The following ANGPTL2 variants were observed in gnomAD, a reference collection of about 807,000 sequenced individuals.
The protein encoded by ANGPTL2 is angiopoietin-related protein 2.
Under a neutral mutation model 52.8 loss-of-function variants are expected in ANGPTL2, and 25 were observed. The ratio of observed to expected loss-of-function variants is 0.47; its 90% confidence interval spans 0.35 to 0.66. The LOEUF is 0.66. Ranked by LOEUF, ANGPTL2 falls within the 30% of genes least tolerant of loss-of-function variation. ANGPTL2 has a pLI of 0.01. For synonymous variants in ANGPTL2, 276 were observed against 277.4 expected, an observed-to-expected ratio of 1.00 and a Z score of 0.05; for missense variants, 546 against 656.9, an observed-to-expected ratio of 0.83 and a Z score of 1.84.
At chr9:127,095,185 T>C (rs1370348406) in intron 2 of ANGPTL2, among the ~76,000 whole-genome samples, 2 of 152,174 alleles carry the variant, frequency 1.3e-5, no homozygotes, top group Non-Finnish European at 2.9e-5. Flanking sequence ...GATCACAAAG[T>C]CAGGAGATCG....
chr9:127,093,141 C>T (rs959299787), intron 3 of ANGPTL2, among the ~76,000 whole-genome samples: 1 of 152,136 alleles, frequency 6.6e-6, no homozygotes, highest in African/African-American at 2.4e-5. Context: ...TCTTGCCTTC[C>T]TTAGTACTAC....
intron 4 of ANGPTL2, among the ~76,000 whole-genome samples, chr9:127,089,910 GCCTGGCAAGGGGAC>G (rs1564555767): frequency 1.3e-5 from 2 of 152,194 alleles, no homozygotes; most frequent in South Asian, 4.1e-4. Context: ...TCCTGACTGG[GCCTGGCAAGGGGAC>G]CCCGTACTCA....
In ANGPTL2 at chr9:127,108,186, C is replaced by T. The variant is rs1315787864; in HGVS notation, c.546G>A (p.Lys182=). The change falls in exon 2 of 5, where the codon AAG becomes AAA. Residue 182 remains lysine (K), a synonymous_variant. Transcript: ENST00000373425. ...GGGCCAGTGTGGCCAGGTGCTGGTA[C>T]TTGTGCTCCAGGTCCTTGTACTTGC... is the stretch of plus-strand genomic sequence containing the variant. ...LASKYKDLEH[K]YQHLATLAHN... The T allele has an allele frequency of 1.9e-6, 3 of 1,614,108 alleles. No individual in the cohort carries two copies. The highest frequency in any genetic ancestry group is 2.5e-6 in the Non-Finnish European group (3 of 1,180,014).
chr9:127,103,710 C>G (rs2053951884), intron 2 of ANGPTL2, among the ~76,000 whole-genome samples: 1 of 152,126 alleles, frequency 6.6e-6, no homozygotes, highest in African/African-American at 2.4e-5. Flanking sequence ...GTTCTAATAA[C>G]AAATCTACCA....
At position 127,108,674 on chromosome 9, in the gene ANGPTL2, C is replaced by T. The variant is rs1173203283; in HGVS notation, c.58G>A (p.Val20Ile). 5.6e-6 allele frequency: 9 copies of T among 1,613,640 alleles called. No homozygotes were observed. Among genetic ancestry groups the T allele is most frequent in the Non-Finnish European group, 7.6e-6 (9 of 1,179,924 alleles). ...TCAAAACCGTCCTCCTGGCCTGCAACAGCTCCCATGGCAGCCAGCAGTCCG... is the reference window on the plus strand; with the variant it reads ...TCAAAACCGTCCTCCTGGCCTGCAATAGCTCCCATGGCAGCCAGCAGTCCG... ...WLGLLAAMGA[V>I]AGQEDGFEGT... is the part of the protein sequence containing the mutation. Residue 20 changes from valine (V) to isoleucine (I), a missense_variant, in exon 2 of 5, where the codon GTT becomes ATT. Val to Ile is a conservative substitution (Grantham distance 29). Around this residue, in one of 2 missense-constraint regions of ANGPTL2, gnomAD observed 285 missense variants for 295.8 expected, o/e 0.96. Coordinates refer to ENST00000373425, the MANE Select transcript of ANGPTL2 (RefSeq NM_012098.3).
chr9:127,100,434 C>A (rs182225071), intron 2 of ANGPTL2, among the ~76,000 whole-genome samples: 1 of 152,178 alleles, frequency 6.6e-6, no homozygotes, highest in Non-Finnish European at 1.5e-5. Flanking sequence ...CAAAGCATTG[C>A]GTCGCTCTTA....
Position 127,108,350 on chromosome 9 carries a change from G to A in ANGPTL2, c.382C>T (p.Arg128Cys), listed in dbSNP as rs1314178417. 2.5e-6 allele frequency: 4 copies of A among 1,612,050 alleles called. No individual in the cohort carries two copies. Among genetic ancestry groups the A allele is most frequent in the Middle Eastern group, 1.6e-4 (1 of 6,080 alleles). ...SEVKLLRKES[R>C]NMNSRVTQLY... is the part of the protein sequence containing the mutation. ...TGCGTGACCCGCGAGTTCATGTTGCGGCTCTCCTTGCGCAGCAGCTTCACC... is the reference window on the plus strand; with the variant it reads ...TGCGTGACCCGCGAGTTCATGTTGCAGCTCTCCTTGCGCAGCAGCTTCACC... Residue 128 changes from arginine (R) to cysteine (C), a missense_variant, in exon 2 of 5, where the codon CGC (arginine) becomes TGC (cysteine). By Grantham distance (180) the Arg-to-Cys change is radical (BLOSUM62 -3). Around this residue, in one of 2 missense-constraint regions of ANGPTL2, gnomAD observed 285 missense variants for 295.8 expected, o/e 0.96. Coordinates refer to ENST00000373425, the MANE Select transcript of ANGPTL2 (RefSeq NM_012098.3).
chr9:127,100,787 G>A (rs553085171), intron 2 of ANGPTL2, among the ~76,000 whole-genome samples: 4 of 152,348 alleles, frequency 2.6e-5, no homozygotes, highest in African/African-American at 9.6e-5. Flanking sequence ...TAGTTGGCGA[G>A]TGTATTAACC....
intron 2 of ANGPTL2, among the ~76,000 whole-genome samples, chr9:127,103,848 C>T (rs952847590): frequency 5.9e-5 from 9 of 152,172 alleles, no homozygotes; most frequent in Non-Finnish European, 1.2e-4. Context: ...CAGACATTCA[C>T]GGGGTGATTT....
chr9:127,100,723 G>T (rs116021665), intron 2 of ANGPTL2, among the ~76,000 whole-genome samples: 1 of 152,300 alleles, frequency 6.6e-6, no homozygotes, highest in African/African-American at 2.4e-5. Flanking sequence ...CATCATGGAA[G>T]AACTTATCAG....
In ANGPTL2 at chr9:127,087,964, C is replaced by T. The variant is rs2051971201; in HGVS notation, c.*975G>A. 6.6e-6 allele frequency: 1 copy of T among 152,556 alleles called. No individual in the cohort carries two copies. The highest frequency in any genetic ancestry group is 2.4e-5 in the African/African-American group (1 of 41,416). The allele number at this position is 152,556 out of a possible 1,614,324, so 9.5% of individuals were successfully genotyped here. A position where few individuals can be genotyped will look rare whatever the true frequency, so the allele number is the denominator to read the frequency against. ...AACTGCGAGTACATTATCTATACGGCCGGTGGAGCTTTTGGCCTGGCCTTC... is the reference window on the plus strand; with the variant it reads ...AACTGCGAGTACATTATCTATACGGTCGGTGGAGCTTTTGGCCTGGCCTTC... On this transcript the variant is annotated 3_prime_UTR_variant, in exon 5 of 5. Coordinates refer to ENST00000373425, the MANE Select transcript of ANGPTL2 (RefSeq NM_012098.3).
intron 2 of ANGPTL2, among the ~76,000 whole-genome samples, chr9:127,102,756 C>T (rs2053861211): frequency 2.6e-5 from 4 of 152,164 alleles, no homozygotes; most frequent in Admixed American, 6.5e-5. Flanking sequence ...GGTGGGCCAT[C>T]TTCCTAGAGT....
intron 2 of ANGPTL2, among the ~76,000 whole-genome samples, chr9:127,097,274 T>A (rs11790344): frequency 0.036 from 5,467 of 152,352 alleles, 138 homozygotes; most frequent in Middle Eastern, 0.085. Flanking sequence ...TTTCTTTTTT[T>A]AAAAAAGGCA....
At chr9:127,090,603 A>G (rs2052350704) in intron 4 of ANGPTL2, among the ~76,000 whole-genome samples, 1 of 152,228 alleles carries the variant, frequency 6.6e-6, no homozygotes, top group African/African-American at 2.4e-5. Flanking sequence ...CTTAGTATGT[A>G]GGTTCCAGGG....
chr9:127,120,521 A>T (rs183497856), intron 1 of ANGPTL2, among the ~76,000 whole-genome samples: 40 of 152,340 alleles, frequency 2.6e-4, no homozygotes, highest in Admixed American at 9.8e-4. Flanking sequence ...TGTCCAGAAC[A>T]GGGAAAGAAT....
Position 127,115,220 on chromosome 9 carries a change from G to A in ANGPTL2, c.-49-6440C>T, listed in dbSNP as rs185206077. On this transcript the variant is annotated intron_variant, in intron 1 of 4. Coordinates refer to ENST00000373425, the MANE Select transcript of ANGPTL2 (RefSeq NM_012098.3). Reference sequence around the variant, plus strand: ...TATTATTATTTTGAGATGGAGTTTCGCTCTTGTCACCCAGGCTGGAGTGCA... The same window carrying A: ...TATTATTATTTTGAGATGGAGTTTCACTCTTGTCACCCAGGCTGGAGTGCA... Among the ~76,000 whole-genome samples, 6 of 151,886 alleles carry A rather than the reference G, an allele frequency of 4.0e-5. No homozygotes were observed. In the East Asian group the frequency reaches 5.8e-4, roughly 15 times the overall value.
intron 1 of ANGPTL2, among the ~76,000 whole-genome samples, chr9:127,111,584 C>T (rs866751378): frequency 1.3e-5 from 2 of 152,318 alleles, no homozygotes; most frequent in South Asian, 2.1e-4. Flanking sequence ...GTCAGAGCTG[C>T]GCAGAGGAGG....
At chr9:127,099,117 G>A (rs896996641) in intron 2 of ANGPTL2, among the ~76,000 whole-genome samples, 3 of 152,200 alleles carry the variant, frequency 2.0e-5, no homozygotes, top group Non-Finnish European at 4.4e-5. Context: ...TGGACCCCAT[G>A]GCTGGCCAGC....
chr9:127,095,406 A>AAAT (rs1564567943), intron 2 of ANGPTL2, among the ~76,000 whole-genome samples: 22 of 152,158 alleles, frequency 1.4e-4, no homozygotes, highest in Non-Finnish European at 2.5e-4. Context: ...CCGTCTCAAA[A>AAAT]AAATAAATAA....
Sources: gnomAD v4.1 joint callset for allele counts (sites outside exome capture counted in the v4.1 genomes callset) on GRCh38, gnomAD v4.1.1 for gene constraint, gnomAD v4.1.1 regional missense constraint, MANE v1.5 for transcripts, NCBI Gene and HGNC (gene_info 2026-07-23, HGNC 2026-07-21) for gene names.